EYS: variants seen among roughly 807,000 people sequenced by gnomAD.
EYS encodes EGF-like photoreceptor maintenance factor, also known as protein eyes shut homolog.
A neutral mutation model predicts 282.1 loss-of-function variants in EYS; 250 were observed. That is an observed-to-expected ratio of 0.89 (90% CI 0.80 to 0.98). EYS has a LOEUF of 0.98. EYS is among the 50% of genes least tolerant of loss of function. The pLI is 0.00. For synonymous variants in EYS, 1,355 were observed against 1,282.9 expected (o/e 1.06, Z -1.20); for missense variants, 4,016 against 3,709.0 (o/e 1.08, Z -2.15).
intron 28 of EYS, among the ~76,000 whole-genome samples, chr6:64,417,212 G>A (rs115049264): frequency 4.1e-4 from 63 of 152,188 alleles, no homozygotes; most frequent in African/African-American, 1.4e-3. Context: ...AACATTTATT[G>A]AGCACTTTCT....
chr6:64,757,630 CACTGTATCAA>C (rs1264344527), intron 22 of EYS, among the ~76,000 whole-genome samples: 1 of 152,120 alleles, frequency 6.6e-6, no homozygotes, highest in Non-Finnish European at 1.5e-5. Flanking sequence ...AATATTATAC[CACTGTATCAA>C]TCAGTAAATA....
At chr6:64,899,361 A>G (rs1767576048) in intron 18 of EYS, among the ~76,000 whole-genome samples, 1 of 151,990 alleles carries the variant, frequency 6.6e-6, no homozygotes. Flanking sequence ...TACTGGGTAA[A>G]TAACAAAATC....
At chr6:63,914,127 A>G (rs1389122200) in intron 35 of EYS, among the ~76,000 whole-genome samples, 5 of 152,020 alleles carry the variant, frequency 3.3e-5, no homozygotes, top group African/African-American at 1.2e-4. Context: ...TGCTCCCCAC[A>G]TCTCTCTCTC....
chr6:64,217,245 A>G (rs1765957889), intron 31 of EYS, among the ~76,000 whole-genome samples: 1 of 152,162 alleles, frequency 6.6e-6, no homozygotes, highest in African/African-American at 2.4e-5. Flanking sequence ...AACTGCAGAA[A>G]GAGCCGAGAA....
At chr6:64,273,857 T>G (rs1456823918) in intron 30 of EYS, among the ~76,000 whole-genome samples, 2 of 152,228 alleles carry the variant, frequency 1.3e-5, no homozygotes, top group African/African-American at 2.4e-5. Context: ...GTTTGCATGT[T>G]AAGTTATTAA....
At chr6:63,938,721 C>A (rs1010743603) in intron 35 of EYS, among the ~76,000 whole-genome samples, 3 of 152,138 alleles carry the variant, frequency 2.0e-5, no homozygotes, top group Admixed American at 6.5e-5. Flanking sequence ...CTATTTCATC[C>A]AAAATCATAC....
chr6:64,571,250 T>G (rs139411760), intron 26 of EYS, among the ~76,000 whole-genome samples: 140 of 152,170 alleles, frequency 9.2e-4, no homozygotes, highest in African/African-American at 3.2e-3. Flanking sequence ...AAAGACACAA[T>G]GTACCAGCAT....
intron 28 of EYS, among the ~76,000 whole-genome samples, chr6:64,421,658 G>A (rs945714582): frequency 1.3e-5 from 2 of 152,048 alleles, no homozygotes; most frequent in African/African-American, 4.8e-5. Context: ...CAGTATGCTA[G>A]TTACTCTTCT....
chr6:64,990,626 G>C (rs903372903), intron 14 of EYS, among the ~76,000 whole-genome samples: 1 of 151,558 alleles, frequency 6.6e-6, no homozygotes. Flanking sequence ...ACTTTTGTTA[G>C]AAAATCTGAA....
At chr6:64,895,049 G>A (rs901285820) in intron 18 of EYS, among the ~76,000 whole-genome samples, 2 of 152,104 alleles carry the variant, frequency 1.3e-5, no homozygotes, top group African/African-American at 4.8e-5. Flanking sequence ...TATTCCTGTG[G>A]TACTTGTAGT....
chr6:65,262,206 T>C (rs985600524), intron 12 of EYS, among the ~76,000 whole-genome samples: 5 of 152,102 alleles, frequency 3.3e-5, no homozygotes, highest in African/African-American at 1.2e-4. Context: ...AATTAGCCAG[T>C]GATATTTGTG....
chr6:64,323,427 C>T (rs1031187982), intron 29 of EYS, among the ~76,000 whole-genome samples: 4 of 152,016 alleles, frequency 2.6e-5, no homozygotes, highest in East Asian at 1.9e-4. Context: ...TCGCTTGATT[C>T]GCCTTTGGGT....
chr6:64,071,876 G>A (rs537109292), intron 32 of EYS, among the ~76,000 whole-genome samples: 6 of 151,680 alleles, frequency 4.0e-5, no homozygotes, highest in African/African-American at 1.4e-4. Flanking sequence ...TGGGGTCCCT[G>A]ATACTAGGGA....
intron 31 of EYS, among the ~76,000 whole-genome samples, chr6:64,220,104 C>A (rs1766052121): frequency 1.3e-5 from 2 of 152,238 alleles, no homozygotes; most frequent in South Asian, 4.2e-4. Flanking sequence ...GTGGGTACAG[C>A]ACACCAACAT....
intron 33 of EYS, among the ~76,000 whole-genome samples, chr6:64,025,038 T>C (rs919393062): frequency 1.2e-4 from 19 of 152,238 alleles, no homozygotes; most frequent in South Asian, 8.3e-4. Flanking sequence ...AGTGAGACAA[T>C]TGCCTATCAC....
chr6:64,526,147 A>G (rs1273464444), intron 26 of EYS, among the ~76,000 whole-genome samples: 3 of 151,866 alleles, frequency 2.0e-5, no homozygotes, highest in Non-Finnish European at 2.9e-5. Context: ...AATTATAGAA[A>G]TCGAGAACAG....
At chr6:65,598,518 A>G (rs1582501417) in intron 2 of EYS, among the ~76,000 whole-genome samples, 1 of 152,216 alleles carries the variant, frequency 6.6e-6, no homozygotes, top group East Asian at 1.9e-4. Flanking sequence ...TGTGTTGCCT[A>G]CATGCAGCAG....
chr6:64,360,284 A>C (rs1771960422), intron 29 of EYS, among the ~76,000 whole-genome samples: 2 of 151,660 alleles, frequency 1.3e-5, no homozygotes, highest in Non-Finnish European at 3.0e-5. Context: ...CATTCTATGA[A>C]AATTCTAACT....
intron 12 of EYS, among the ~76,000 whole-genome samples, chr6:65,223,411 A>C (rs1766526335): frequency 6.6e-6 from 1 of 152,078 alleles, no homozygotes; most frequent in Non-Finnish European, 1.5e-5. Flanking sequence ...AGAAACTGCC[A>C]AATATTAACA....
Sources: allele counts gnomAD v4.1 joint callset (sites outside exome capture counted in the v4.1 genomes callset), GRCh38; gene constraint gnomAD v4.1.1; transcripts MANE v1.5; gene names NCBI Gene and HGNC (gene_info 2026-07-23, HGNC 2026-07-21).